The following PRRC2C variants were observed in gnomAD, a reference collection of about 807,000 sequenced individuals.
The protein encoded by PRRC2C is protein PRRC2C.
Under a neutral mutation model 317.2 loss-of-function variants are expected in PRRC2C, and 72 were observed. The observed-to-expected ratio is 0.23, with a 90% CI of 0.19 to 0.28. The LOEUF is 0.28. PRRC2C is among the 10% of genes least tolerant of loss of function. The pLI, the probability that PRRC2C is intolerant of heterozygous loss-of-function variation, is 1.00. For synonymous variants in PRRC2C, 1,296 were observed against 1,205.9 expected, an observed-to-expected ratio of 1.07 and a Z score of -1.55; for missense variants, 3,074 against 3,459.7, an observed-to-expected ratio of 0.89 and a Z score of 2.80.
Position 171,568,331 on chromosome 1 carries a change from G to C in PRRC2C, c.6643G>C (p.Val2215Leu). 1 of 1,599,462 alleles carries C rather than the reference G, an allele frequency of 6.3e-7. No homozygotes were observed. Among genetic ancestry groups the C allele is most frequent in the Non-Finnish European group, 8.5e-7 (1 of 1,171,924 alleles). Residue 2215 changes from valine (V) to leucine (L), a missense_variant, in exon 23 of 35, where the codon GTT (valine) becomes CTT (leucine). Physicochemically the swap from Val to Leu is conservative, Grantham distance 32. This residue lies in a region of PRRC2C where 640 missense variants were observed against 676.1 expected (regional missense o/e 0.95). Coordinates refer to ENST00000647382, the MANE Select transcript of PRRC2C (RefSeq NM_001387844.1). ...TNNTKMEDTL[V>L]NNVPLPNTLP... is the part of the protein sequence containing the mutation. ...TAATACAAAGATGGAGGATACTTTG[G>C]TTAATAATGTAAGTAATCAGTTTGA...
At chr1:171,560,547 C>G (rs1682473257) in intron 19 of PRRC2C, among the ~76,000 whole-genome samples, 1 of 152,182 alleles carries the variant, frequency 6.6e-6, no homozygotes, top group Admixed American at 6.5e-5. Context: ...TAGCTTTCAG[C>G]AAACACCATC....
At chr1:171,564,085 T>C (rs1390957405) in intron 20 of PRRC2C, among the ~76,000 whole-genome samples, 3 of 152,202 alleles carry the variant, frequency 2.0e-5, no homozygotes, top group African/African-American at 7.2e-5. Context: ...ATACATTATT[T>C]TGGAGTTTTT....
At chr1:171,516,738 C>T (rs7523355) in intron 5 of PRRC2C, among the ~76,000 whole-genome samples, 122,934 of 152,146 alleles carry the variant, frequency 0.81, 49,786 homozygotes, top group Middle Eastern at 0.9. Context: ...CTCTCAAAGC[C>T]GCGATGAAGC....
At chr1:171,561,555 G>T (rs2102679340) in intron 20 of PRRC2C, among the ~76,000 whole-genome samples, 1 of 152,266 alleles carries the variant, frequency 6.6e-6, no homozygotes, top group South Asian at 2.1e-4. Context: ...ATTAGGTCTG[G>T]GTTGAGGTTT....
chr1:171,556,013 C>G (rs1557992688), intron 18 of PRRC2C, among the ~76,000 whole-genome samples: 1 of 152,160 alleles, frequency 6.6e-6, no homozygotes, highest in Non-Finnish European at 1.5e-5. Context: ...TTCAGCTATG[C>G]CCTGCCCCCA....
intron 15 of PRRC2C, among the ~76,000 whole-genome samples, chr1:171,538,102 G>A (rs1313872610): frequency 6.6e-6 from 1 of 151,938 alleles, no homozygotes; most frequent in African/African-American, 2.4e-5. Flanking sequence ...GGGTTTCACC[G>A]TGTTAGCCAG....
intron 11 of PRRC2C, among the ~76,000 whole-genome samples, chr1:171,530,674 A>G (rs905898581): frequency 6.6e-6 from 1 of 152,194 alleles, no homozygotes; most frequent in African/African-American, 2.4e-5. Context: ...AAAGATATTC[A>G]GTGTCTTTAG....
At chr1:171,490,065 G>A (rs376490876) in intron 1 of PRRC2C, among the ~76,000 whole-genome samples, 2 of 152,004 alleles carry the variant, frequency 1.3e-5, no homozygotes, top group African/African-American at 4.8e-5. Context: ...GATTACAGGT[G>A]CCTGCCATCA....
chr1:171,528,739 A>G (rs1302176275), intron 11 of PRRC2C, among the ~76,000 whole-genome samples: 1 of 151,894 alleles, frequency 6.6e-6, no homozygotes, highest in East Asian at 1.9e-4. Context: ...TGACAAATTC[A>G]GTTTTCTTGT....
At chr1:171,506,276 G>A (rs1490884244) in intron 1 of PRRC2C, among the ~76,000 whole-genome samples, 1 of 152,186 alleles carries the variant, frequency 6.6e-6, no homozygotes, top group Non-Finnish European at 1.5e-5. Flanking sequence ...CTTTAAGCAT[G>A]TAGCTCTACT....
At chr1:171,548,587 CTTA>C (rs973816799) in intron 17 of PRRC2C, among the ~76,000 whole-genome samples, 1 of 152,044 alleles carries the variant, frequency 6.6e-6, no homozygotes, top group Non-Finnish European at 1.5e-5. Flanking sequence ...TTTCTTGATA[CTTA>C]TTATTCAGAC....
At chr1:171,549,837 C>T (rs1027986395) in intron 17 of PRRC2C, among the ~76,000 whole-genome samples, 2 of 152,154 alleles carry the variant, frequency 1.3e-5, no homozygotes, top group African/African-American at 4.8e-5. Context: ...GCTGGGATTA[C>T]AGACGTGAGC....
In PRRC2C at chr1:171,541,394, G is replaced by A. The variant is rs765150797; in HGVS notation, c.3928G>A (p.Asp1310Asn). The A allele has an allele frequency of 6.2e-7, 1 of 1,613,446 alleles. No homozygotes were observed. Among genetic ancestry groups the A allele is most frequent in the Non-Finnish European group, 8.5e-7 (1 of 1,179,764 alleles). ...PVKPHSSFKP[D>N]NHVRIDNRLL... ...AAAGCCTCATTCTTCTTTCAAGCCT[G>A]ATAATCATGTTCGAATAGATAATAG... The change falls in exon 16 of 35, where the codon GAT becomes AAT. Residue 1310 changes from aspartate to asparagine, a missense_variant. This residue lies in a region of PRRC2C where 1,320 missense variants were observed against 1,395.7 expected (regional missense o/e 0.95). Coordinates refer to ENST00000647382, the MANE Select transcript of PRRC2C (RefSeq NM_001387844.1). This position sits in a 1 kb window ranked among gnomAD's most constrained non-coding sequence, Gnocchi z 4.1.
At chr1:171,509,384 G>A (rs4384265) in intron 1 of PRRC2C, among the ~76,000 whole-genome samples, 122,512 of 152,034 alleles carry the variant, frequency 0.81, 49,480 homozygotes, top group Middle Eastern at 0.9. Context: ...GTTAGTAGTT[G>A]AAGCCAAAGG....
chr1:171,593,132 C>T lies in PRRC2C; in HGVS notation c.*1285C>T, dbSNP rs554025926. The T allele has an allele frequency of 6.6e-6, 1 of 151,682 alleles. No individual in the cohort carries two copies. Among genetic ancestry groups the T allele is most frequent in the African/African-American group, 2.4e-5 (1 of 41,364 alleles). 9.4% of individuals were successfully genotyped at this position (151,682 alleles called of 1,614,324 possible). A position where few individuals can be genotyped will look rare whatever the true frequency, so the allele number is the denominator to read the frequency against. On this transcript the variant is annotated 3_prime_UTR_variant, in exon 35 of 35. Coordinates refer to ENST00000647382, the MANE Select transcript of PRRC2C (RefSeq NM_001387844.1). Reference sequence around the variant, plus strand: ...CTGGGGTTTTGTTTTTTACCTTTTTCCCCCCTTTTTTTTAAATGGAGTGTG... The same window carrying T: ...CTGGGGTTTTGTTTTTTACCTTTTTTCCCCCTTTTTTTTAAATGGAGTGTG...
chr1:171,538,784 T>C (rs1677328873), intron 15 of PRRC2C, among the ~76,000 whole-genome samples: 1 of 152,204 alleles, frequency 6.6e-6, no homozygotes, highest in Admixed American at 6.5e-5. Flanking sequence ...CAATCACAGC[T>C]CACTGCAGCC....
intron 33 of PRRC2C, 62 bp downstream of exon 33, chr1:171,588,567 A>G: frequency 6.6e-7 from 1 of 1,522,946 alleles, no homozygotes; most frequent in Non-Finnish European, 9.0e-7. Flanking sequence ...AATCTGATAA[A>G]TTATTATCTT....
At chr1:171,553,866 G>T (rs929790600) in intron 18 of PRRC2C, among the ~76,000 whole-genome samples, 7 of 152,082 alleles carry the variant, frequency 4.6e-5, no homozygotes, top group Admixed American at 6.6e-5. Flanking sequence ...TTTACATTTG[G>T]TGAGGAGTGC....
At position 171,502,767 on chromosome 1, in the gene PRRC2C, A is replaced by G. The variant is rs1016541172; in HGVS notation, c.-57-9265A>G. On this transcript the variant is annotated intron_variant, in intron 1 of 34. Coordinates refer to ENST00000647382, the MANE Select transcript of PRRC2C (RefSeq NM_001387844.1). ...TGAGATGGAGTTTTGCTCCGTACACAGGCTGGAGTGCAAAGGCTCGATCTT... is the reference window on the plus strand; with the variant it reads ...TGAGATGGAGTTTTGCTCCGTACACGGGCTGGAGTGCAAAGGCTCGATCTT... Among the ~76,000 whole-genome samples the G allele has an allele frequency of 4.6e-5, 7 of 152,324 alleles. No individual in the cohort carries two copies. The East Asian group carries it at 1.4e-3, about 29-fold the overall frequency.
Sources: gnomAD v4.1 joint callset for allele counts (sites outside exome capture counted in the v4.1 genomes callset) on GRCh38, gnomAD v4.1.1 for gene constraint, gnomAD v4.1.1 regional missense constraint, Gnocchi (gnomAD v3.1) non-coding constraint, MANE v1.5 for transcripts, NCBI Gene and HGNC (gene_info 2026-07-23, HGNC 2026-07-21) for gene names.